The following WDR7 variants were observed in gnomAD, a reference collection of about 807,000 sequenced individuals.
WDR7 encodes the protein WD repeat domain 7, also known as WD repeat-containing protein 7.
A neutral mutation model predicts 169.4 loss-of-function variants in WDR7; 46 were observed. The observed-to-expected ratio is 0.27, with a 90% confidence interval of 0.21 to 0.35. The LOEUF (loss-of-function observed/expected upper bound fraction) is 0.35, where lower values mean the gene tolerates loss of function less well. WDR7 is among the 10% of genes least tolerant of loss of function. WDR7 has a pLI of 1.00. For synonymous variants in WDR7, 612 were observed against 666.8 expected (o/e 0.92, Z 1.27); for missense variants, 1,534 against 1,859.3 (o/e 0.83, Z 3.22).
rs756752290 is a variant in WDR7, at chr18:56,987,401, G to A, written c.4164+24872G>A. On this transcript the variant is annotated intron_variant, in intron 26 of 27. Coordinates refer to ENST00000254442, the MANE Select transcript of WDR7 (RefSeq NM_015285.3). ...GATTATCTCACAGCCTTTCACTCAC[G>A]CTCTGCCACCGCGGCCAGCCCTGAT... Among the ~76,000 whole-genome samples the A allele has an allele frequency of 6.7e-5, 10 of 150,092 alleles. 1 individual carries two copies. Among genetic ancestry groups the A allele is most frequent in the African/African-American group, 1.5e-4 (6 of 40,832 alleles).
chr18:57,018,324 G>A (rs2048236568), intron 26 of WDR7, among the ~76,000 whole-genome samples: 1 of 152,208 alleles, frequency 6.6e-6, no homozygotes. Flanking sequence ...TGGATATTAG[G>A]ATCCCAGAGC....
chr18:56,872,101 A>G (rs2045960888), intron 20 of WDR7, among the ~76,000 whole-genome samples: 1 of 152,148 alleles, frequency 6.6e-6, no homozygotes, highest in Non-Finnish European at 1.5e-5. Flanking sequence ...TCAATAGCAC[A>G]TATAAAGTAT....
intron 19 of WDR7, among the ~76,000 whole-genome samples, chr18:56,784,238 C>T (rs1299352256): frequency 1.3e-5 from 2 of 152,110 alleles, no homozygotes; most frequent in African/African-American, 2.4e-5. Context: ...CTTGTAACCA[C>T]TATTTATTCC....
intron 26 of WDR7, among the ~76,000 whole-genome samples, chr18:56,967,735 T>G (rs1481895484): frequency 6.6e-6 from 1 of 152,206 alleles, no homozygotes; most frequent in Non-Finnish European, 1.5e-5. Flanking sequence ...GGGAATTGGC[T>G]CTAGGCCACC....
At chr18:56,652,518 C>T (rs144771197) in intron 1 of WDR7, among the ~76,000 whole-genome samples, 153 of 152,250 alleles carry the variant, frequency 1.0e-3, no homozygotes, top group African/African-American at 3.7e-3. Context: ...TAAACAAACT[C>T]GTGGCTGTAT....
At chr18:56,906,050 A>G (rs953828250) in intron 21 of WDR7, among the ~76,000 whole-genome samples, 8 of 151,902 alleles carry the variant, frequency 5.3e-5, no homozygotes, top group Non-Finnish European at 8.8e-5. Flanking sequence ...GCCACCCCTA[A>G]TGTATTAATG....
intron 26 of WDR7, among the ~76,000 whole-genome samples, chr18:56,986,363 A>C (rs1009026254): frequency 6.6e-6 from 1 of 152,204 alleles, no homozygotes; most frequent in Non-Finnish European, 1.5e-5. Context: ...CTGTGGTATT[A>C]TCAAACTACC....
chr18:56,992,267 A>G (rs2047828957), intron 26 of WDR7, among the ~76,000 whole-genome samples: 1 of 152,234 alleles, frequency 6.6e-6, no homozygotes, highest in Non-Finnish European at 1.5e-5. Flanking sequence ...TTATGTAACT[A>G]GCGATAGAAC....
At chr18:56,907,040 T>C (rs1167692976) in intron 21 of WDR7, among the ~76,000 whole-genome samples, 2 of 152,182 alleles carry the variant, frequency 1.3e-5, no homozygotes. Context: ...GTTAGAACCC[T>C]CTGGGCCGGA....
intron 14 of WDR7, among the ~76,000 whole-genome samples, chr18:56,742,718 C>T (rs2043639139): frequency 1.3e-5 from 2 of 152,110 alleles, no homozygotes; most frequent in South Asian, 2.1e-4. Flanking sequence ...GTGATTAGGA[C>T]TGGCTTCTTG....
In WDR7 at chr18:57,027,159, C is replaced by T. The variant is rs767518564; in HGVS notation, c.4425C>T (p.Asn1475=). 3.4e-5 allele frequency: 55 copies of T among 1,614,190 alleles called. No homozygotes were observed. The highest frequency in any genetic ancestry group is 2.0e-4 in the South Asian group (18 of 91,078). Residue 1475 remains asparagine, a synonymous_variant, in exon 28 of 28, where the codon AAC becomes AAT. Transcript: ENST00000254442. The part of the protein sequence containing the change: ...LARLIWTSNR[N]VILMAHDGKE... The stretch of plus-strand genomic sequence containing the variant: ...GGCTCATCTGGACTTCCAACCGCAA[C>T]GTCATCCTCATGGCCCATGACGGGA...
At chr18:56,663,013 G>A (rs2024938015) in intron 1 of WDR7, among the ~76,000 whole-genome samples, 1 of 152,182 alleles carries the variant, frequency 6.6e-6, no homozygotes, top group South Asian at 2.1e-4. Flanking sequence ...ATCAAGGTCA[G>A]AAGGTTTATT....
chr18:56,872,943 A>G (rs889755503), intron 20 of WDR7: 3 of 152,190 alleles, frequency 2.0e-5, no homozygotes, highest in Admixed American at 1.3e-4. Flanking sequence ...CTAGTTACAT[A>G]TTTCTTCTGT....
chr18:56,699,744 AG>A, intron 12 of WDR7: 1 of 867,280 alleles, frequency 1.2e-6, no homozygotes, highest in Non-Finnish European at 1.4e-6. Context: ...AAAGTTGTTA[AG>A]AAAAAGTACT....
At chr18:56,678,261 G>A (rs572133913) in intron 2 of WDR7, among the ~76,000 whole-genome samples, 52 of 152,164 alleles carry the variant, frequency 3.4e-4, no homozygotes, top group African/African-American at 1.1e-3. Flanking sequence ...TGTTTCTCCC[G>A]GATTGGTCCC....
intron 22 of WDR7, among the ~76,000 whole-genome samples, chr18:56,928,293 G>A (rs957739458): frequency 5.9e-5 from 9 of 151,982 alleles, no homozygotes; most frequent in Middle Eastern, 6.8e-3. Context: ...GCGAGACCCC[G>A]TCTCTACAAA....
At chr18:56,950,694 C>T (rs1251698485) in intron 25 of WDR7, among the ~76,000 whole-genome samples, 1 of 152,182 alleles carries the variant, frequency 6.6e-6, no homozygotes, top group Non-Finnish European at 1.5e-5. Context: ...ACTAAGGCTA[C>T]GTTTCCTGTA....
intron 25 of WDR7, among the ~76,000 whole-genome samples, chr18:56,955,654 G>GGATGATGAT (rs34888311): frequency 4.9e-4 from 74 of 150,382 alleles, no homozygotes; most frequent in African/African-American, 1.6e-3. Context: ...AGATGCAGAT[G>GGATGATGAT]GATGATGATG....
chr18:56,818,004 A>G (rs972651549), intron 20 of WDR7, among the ~76,000 whole-genome samples: 2 of 152,136 alleles, frequency 1.3e-5, no homozygotes, highest in Non-Finnish European at 2.9e-5. Context: ...CGGTCTCCCA[A>G]AGTGCTGGGA....
Sources: gnomAD v4.1 joint callset for allele counts (sites outside exome capture counted in the v4.1 genomes callset) on GRCh38, gnomAD v4.1.1 for gene constraint, MANE v1.5 for transcripts, NCBI Gene and HGNC (gene_info 2026-07-23, HGNC 2026-07-21) for gene names.